The following MYO7A variants were observed in gnomAD, a reference collection of about 807,000 sequenced individuals.
The protein encoded by MYO7A is unconventional myosin-VIIa.
Under a neutral mutation model 263.8 loss-of-function variants are expected in MYO7A, and 210 were observed. That is an observed-to-expected ratio of 0.80 (90% confidence interval 0.71 to 0.89). The LOEUF (loss-of-function observed/expected upper bound fraction) is 0.89, where lower values mean the gene tolerates loss of function less well. MYO7A is among the 40% of genes least tolerant of loss of function. The pLI is 0.00. For synonymous variants in MYO7A, 1,239 were observed against 1,197.3 expected, an observed-to-expected ratio of 1.03 and a Z score of -0.72; for missense variants, 2,820 against 2,968.3, an observed-to-expected ratio of 0.95 and a Z score of 1.16.
intron 24 of MYO7A, 130 bp from the exon 25 acceptor site, chr11:77,182,294 G>A: frequency 7.0e-7 from 1 of 1,430,148 alleles, no homozygotes; most frequent in Non-Finnish European, 9.4e-7. Context: ...AGTCTTCACT[G>A]CGGTGCCCAG....
At position 77,147,832 on chromosome 11, in the gene MYO7A, T is replaced by C. The variant is rs1555054651; in HGVS notation, c.167T>C (p.Ile56Thr). 1 of 1,610,370 alleles carries C rather than the reference T, an allele frequency of 6.2e-7. No individual in the cohort carries two copies. Among genetic ancestry groups the C allele is most frequent in the South Asian group, 1.1e-5 (1 of 90,040 alleles). ...ATCTCTCCGCAGAACGCAACGCACATCAAGCCTATGCACCCCACGTCGGTC... is the reference window on the plus strand; with the variant it reads ...ATCTCTCCGCAGAACGCAACGCACACCAAGCCTATGCACCCCACGTCGGTC... ...HWISPQNATH[I>T]KPMHPTSVHG... is the part of the protein sequence containing the mutation. Residue 56 changes from isoleucine (I) to threonine (T), a missense_variant, in exon 4 of 49, where the codon ATC becomes ACC. Coordinates refer to ENST00000409709, the MANE Select transcript of MYO7A (RefSeq NM_000260.4).
At chr11:77,172,256 T>C (rs1423529752) in intron 15 of MYO7A, among the ~76,000 whole-genome samples, 1 of 152,256 alleles carries the variant, frequency 6.6e-6, no homozygotes, top group Non-Finnish European at 1.5e-5. Context: ...ACTGAGGCTC[T>C]GCAACATTTA....
At chr11:77,137,859 C>G (rs556556627) in intron 2 of MYO7A, among the ~76,000 whole-genome samples, 1 of 152,164 alleles carries the variant, frequency 6.6e-6, no homozygotes, top group Admixed American at 6.5e-5. Context: ...ACTGTATCTG[C>G]CCTCACTCCC....
intron 17 of MYO7A, 146 bp downstream of exon 17, chr11:77,175,060 T>C: frequency 9.8e-7 from 1 of 1,023,992 alleles, no homozygotes; most frequent in Non-Finnish European, 1.4e-6. Flanking sequence ...GGTTCAGGTA[T>C]TGGAATGCAT....
At chr11:77,171,288 A>C (rs1189853626) in intron 15 of MYO7A, among the ~76,000 whole-genome samples, 1 of 152,042 alleles carries the variant, frequency 6.6e-6, no homozygotes, top group African/African-American at 2.4e-5. Flanking sequence ...TACTCATGTC[A>C]GGGGCCCTAA....
In MYO7A at chr11:77,205,651, G is replaced by A. The variant is rs1266643638; in HGVS notation, c.5636+34G>A. The A allele has an allele frequency of 3.1e-6, 5 of 1,610,988 alleles. No individual in the cohort carries two copies. The Admixed American group carries it at 8.3e-5, about 27-fold the overall frequency. ...GCCACCAGGGGCAGGGACAGACACT[G>A]GGGCGGGCTCCTGGCCACGCGGGGC... On this transcript the variant is annotated intron_variant, in intron 40 of 48. Coordinates refer to ENST00000409709, the MANE Select transcript of MYO7A (RefSeq NM_000260.4).
At position 77,181,430 on chromosome 11, in the gene MYO7A, G is replaced by A. The variant is rs782070781; in HGVS notation, c.2745G>A (p.Glu915=). The change falls in exon 23 of 49, where the codon GAG becomes GAA. Residue 915 remains glutamate (E), a synonymous_variant. Coordinates refer to ENST00000409709, the MANE Select transcript of MYO7A (RefSeq NM_000260.4). ...AREDAERELK[E]KEAARRKKEL... is the part of the protein sequence containing the mutation. The stretch of plus-strand genomic sequence containing the variant: ...AGGACGCTGAGCGGGAGCTGAAGGA[G>A]AAGGAGGCCGCTCGGCGGAAGAAGG... 4 of 1,596,586 alleles carry A rather than the reference G, an allele frequency of 2.5e-6. No individual in the cohort carries two copies. The highest frequency in any genetic ancestry group is 3.4e-6 in the Non-Finnish European group (4 of 1,172,070).
At chr11:77,211,023 TG>T (rs1305776154) in intron 44 of MYO7A, 128 bp from the exon 45 acceptor site, 1 of 810,190 alleles carries the variant, frequency 1.2e-6, no homozygotes, top group Non-Finnish European at 1.9e-6. Flanking sequence ...CAGCTGAGGC[TG>T]GAGAGGTGGG....
At chr11:77,169,467 T>A (rs1953872540) in intron 15 of MYO7A, among the ~76,000 whole-genome samples, 1 of 152,210 alleles carries the variant, frequency 6.6e-6, no homozygotes, top group Admixed American at 6.5e-5. Context: ...CCCAGCCCCT[T>A]TCATGTCACG....
chr11:77,151,850 T>C (rs868927872), intron 4 of MYO7A, among the ~76,000 whole-genome samples: 5 of 152,208 alleles, frequency 3.3e-5, no homozygotes, highest in Non-Finnish European at 7.3e-5. Flanking sequence ...AGCTGCTGGC[T>C]CTGTCAGTCC....
chr11:77,157,042 G>A (rs782432837), intron 7 of MYO7A, 38 bp downstream of exon 7: 12 of 1,600,254 alleles, frequency 7.5e-6, no homozygotes, highest in Non-Finnish European at 9.4e-6. Flanking sequence ...ATAGACCCAG[G>A]CCCCTGGCCT....
Position 77,177,535 on chromosome 11 carries a change from G to C in MYO7A, c.2188-14G>C. 1.2e-6 allele frequency: 2 copies of C among 1,603,242 alleles called. No individual in the cohort carries two copies. Among genetic ancestry groups the C allele is most frequent in the Non-Finnish European group, 1.7e-6 (2 of 1,175,030 alleles). On this transcript the variant is annotated splice_polypyrimidine_tract_variant and intron_variant, in intron 18 of 48. Coordinates refer to ENST00000409709, the MANE Select transcript of MYO7A (RefSeq NM_000260.4). ...AGACCTTGTGGGGCGCTGCTCAGGA[G>C]CTCTGCCTCCTAGGACCACCATGAC...
chr11:77,211,387 G>A (rs1276658125), intron 45 of MYO7A, 50 bp downstream of exon 45: 1 of 1,521,504 alleles, frequency 6.6e-7, no homozygotes, highest in East Asian at 2.5e-5. Context: ...ATGGGCCTCG[G>A]GGCACCCCAG....
At chr11:77,139,204 C>A (rs1316118613) in intron 2 of MYO7A, among the ~76,000 whole-genome samples, 1 of 152,226 alleles carries the variant, frequency 6.6e-6, no homozygotes, top group Non-Finnish European at 1.5e-5. Flanking sequence ...AGTGGTGGAG[C>A]TGGGACTATA....
At chr11:77,156,562 G>C (rs1952472544) in intron 5 of MYO7A, 98 bp from the exon 6 acceptor site, 1 of 1,545,456 alleles carries the variant, frequency 6.5e-7, no homozygotes, top group East Asian at 2.3e-5. Flanking sequence ...TGATATTACA[G>C]ATGGGGGAGC....
At chr11:77,142,847 G>T (rs1306377374) in intron 3 of MYO7A, 25 bp downstream of exon 3, 6 of 1,556,354 alleles carry the variant, frequency 3.9e-6, no homozygotes, top group Non-Finnish European at 5.2e-6. Flanking sequence ...CCCTCCTCCT[G>T]CCCCATGCCT....
chr11:77,205,353 TG>T, intron 39 of MYO7A, 108 bp from the exon 40 acceptor site: 1 of 1,316,624 alleles, frequency 7.6e-7, no homozygotes, highest in Non-Finnish European at 1.0e-6. Context: ...GGGACGGTGC[TG>T]CTGTGATGAG....
rs111033477 is a variant in MYO7A, at chr11:77,203,106, C to A, written c.5215C>A (p.Arg1739=). 2,014 of 1,549,206 alleles carry A rather than the reference C, an allele frequency of 1.3e-3. 19 individuals carry two copies. In the African/African-American group the frequency reaches 0.025, roughly 19 times the overall value. Residue 1739 remains arginine, a synonymous_variant, in exon 38 of 49, where the codon CGA becomes AGA. Coordinates refer to ENST00000409709, the MANE Select transcript of MYO7A (RefSeq NM_000260.4). The stretch of plus-strand genomic sequence containing the variant: ...GAGCCGTGTCATGGTGTCCAAGGCC[C>A]GAGGCAAGGACCGGCTGTGGAGCCA... The part of the protein sequence containing the change: ...TLSRVMVSKA[R]GKDRLWSHTR...
At chr11:77,184,832 G>A (rs556408599) in intron 27 of MYO7A, 117 bp downstream of exon 27, 1 of 1,502,236 alleles carries the variant, frequency 6.7e-7, no homozygotes, top group African/African-American at 1.4e-5. Context: ...TTCGCTGCTA[G>A]CTAGTTGGTG....
Sources: allele counts gnomAD v4.1 joint callset (sites outside exome capture counted in the v4.1 genomes callset), GRCh38; gene constraint gnomAD v4.1.1; transcripts MANE v1.5; gene names NCBI Gene and HGNC (gene_info 2026-07-23, HGNC 2026-07-21).